Variants in RNF175 observed in about 807,000 individuals in gnomAD.
RNF175 encodes the protein ring finger protein 175.
In RNF175, 38 loss-of-function variants were observed where a neutral mutation model predicts 50.0. The observed-to-expected ratio is 0.76, with a 90% CI of 0.59 to 1.00. The LOEUF (loss-of-function observed/expected upper bound fraction) is 1.00, where lower values mean the gene tolerates loss of function less well. RNF175 is among the 50% of genes least tolerant of loss of function. RNF175 has a pLI of 0.00. For missense variants in RNF175, 388 were observed against 409.6 expected, an observed-to-expected ratio of 0.95 and a Z score of 0.46; for synonymous variants, 155 against 146.1, an observed-to-expected ratio of 1.06 and a Z score of -0.44.
In RNF175 at chr4:153,754,230, A is replaced by C. The variant is rs570093777; in HGVS notation, c.67-2755T>G. On this transcript the variant is annotated intron_variant, in intron 1 of 8. Transcript: ENST00000347063. ...GATTGAGTGAGTAGACCTTGATTGG[A>C]GAGAGATGATGTAGGGCTGACACCC... 2.5e-3 allele frequency among the ~76,000 whole-genome samples: 379 copies of C among 151,606 alleles called. 2 individuals are homozygous for C. Among genetic ancestry groups the C allele is most frequent in the Non-Finnish European group, 4.5e-3 (307 of 67,910 alleles).
chr4:153,735,151 A>G (rs1267444583), intron 3 of RNF175, among the ~76,000 whole-genome samples: 2 of 150,704 alleles, frequency 1.3e-5, no homozygotes, highest in South Asian at 2.1e-4. Flanking sequence ...ACAGTTTTGC[A>G]TTTTTCATTT....
chr4:153,715,566 G>C lies in RNF175; in HGVS notation c.727C>G (p.Leu243Val), dbSNP rs1380689502. 5.0e-6 allele frequency: 8 copies of C among 1,611,344 alleles called. No homozygotes were observed. Among genetic ancestry groups the C allele is most frequent in the Non-Finnish European group, 1.7e-6 (2 of 1,178,650 alleles). The part of the protein sequence containing the change: ...KIIVELDEEG[L>V]IENTYQLSCN... ...GAAAGCTGGTAGGTGTTTTCAATGA[G>C]CCCTTCTTCATCAAGCTCCACAATG... Residue 243 changes from leucine (L) to valine (V), a missense_variant, in exon 7 of 9, where the codon CTC becomes GTC. Coordinates refer to ENST00000347063, the MANE Select transcript of RNF175 (RefSeq NM_173662.4).
rs112377331 is a variant in RNF175 at position 153,738,548 on chromosome 4, A to G, written c.246+10097T>C. On this transcript the variant is annotated intron_variant, in intron 3 of 8. Coordinates refer to ENST00000347063, the MANE Select transcript of RNF175 (RefSeq NM_173662.4). ...GAAGTCCACTTTGTCTGAAATTAAT[A>G]TAGCTGGTCCAGCTTTCTTTTGATT... Among the ~76,000 whole-genome samples the G allele has an allele frequency of 6.8e-4, 103 of 152,298 alleles. 1 individual carries two copies. Among genetic ancestry groups the G allele is most frequent in the African/African-American group, 2.3e-3 (97 of 41,560 alleles).
chr4:153,740,321 TA>T (rs1480625292), intron 3 of RNF175, among the ~76,000 whole-genome samples: 2 of 152,188 alleles, frequency 1.3e-5, no homozygotes, highest in African/African-American at 4.8e-5. Flanking sequence ...ATTTTATTTT[TA>T]ATTGAAAAAT....
chr4:153,710,265 G>C lies in RNF175; in HGVS notation c.*104C>G, dbSNP rs901628676. Reference sequence around the variant, plus strand: ...ATTGCTTGACAACAAAGTTTACTTAGTTTTCTAAACACTTGGGATCATCTC... The same window carrying C: ...ATTGCTTGACAACAAAGTTTACTTACTTTTCTAAACACTTGGGATCATCTC... On this transcript the variant is annotated 3_prime_UTR_variant, in exon 9 of 9. Coordinates refer to ENST00000347063, the MANE Select transcript of RNF175 (RefSeq NM_173662.4). 4 of 896,212 alleles carry C rather than the reference G, an allele frequency of 4.5e-6. No individual in the cohort carries two copies. The Admixed American group carries it at 1.0e-4, about 23-fold the overall frequency. The allele number at this position is 896,212 out of a possible 1,614,324, so 55.5% of individuals were successfully genotyped here.
At chr4:153,758,914 T>TA (rs1264251609) in intron 1 of RNF175, among the ~76,000 whole-genome samples, 1 of 152,220 alleles carries the variant, frequency 6.6e-6, no homozygotes, top group Non-Finnish European at 1.5e-5. Context: ...AGAAGGGGGT[T>TA]AGTCAGGAGC....
intron 1 of RNF175, 77 bp downstream of exon 1, chr4:153,759,720 T>C (rs1740733487): frequency 2.0e-6 from 2 of 1,001,420 alleles, no homozygotes; most frequent in South Asian, 1.7e-5. Context: ...GACCAGTCTG[T>C]GCAGCCTGCC....
At chr4:153,748,208 A>G (rs927690012) in intron 3 of RNF175, among the ~76,000 whole-genome samples, 1 of 152,186 alleles carries the variant, frequency 6.6e-6, no homozygotes, top group African/African-American at 2.4e-5. Context: ...AGACACCCTA[A>G]ACCATTTCTT....
In RNF175 at chr4:153,720,576, G is replaced by A. The variant is rs190684826; in HGVS notation, c.510-272C>T. On this transcript the variant is annotated intron_variant, in intron 5 of 8. Transcript: ENST00000347063. ...TGCAGTGCCTAGACAAGCTGACTCT[G>A]ACCAGTGGTTTCAGGCTCAGCTATA... 193 of 341,382 alleles carry A rather than the reference G, an allele frequency of 5.7e-4. No individual in the cohort carries two copies. The Admixed American group carries it at 7.2e-3, about 13-fold the overall frequency. The allele number at this position is 341,382 out of a possible 1,614,324, so 21.1% of individuals were successfully genotyped here.
intron 3 of RNF175, among the ~76,000 whole-genome samples, chr4:153,735,982 C>T (rs1009989566): frequency 1.3e-5 from 2 of 152,186 alleles, no homozygotes; most frequent in Non-Finnish European, 2.9e-5. Context: ...TCTTGCTGCA[C>T]TAGCAAGGAC....
chr4:153,749,659 C>T (rs1436525066), intron 2 of RNF175, among the ~76,000 whole-genome samples: 2 of 152,080 alleles, frequency 1.3e-5, no homozygotes, highest in East Asian at 1.9e-4. Flanking sequence ...GGGGTAGCCT[C>T]GATGAAAACC....
chr4:153,755,626 T>G (rs1193295629), intron 1 of RNF175, among the ~76,000 whole-genome samples: 1 of 150,512 alleles, frequency 6.6e-6, no homozygotes, highest in East Asian at 1.9e-4. Context: ...ATAAGAATAT[T>G]AGTGAATTGG....
chr4:153,729,602 T>C (rs1272082659), intron 3 of RNF175: 4 of 912,356 alleles, frequency 4.4e-6, no homozygotes, highest in Admixed American at 6.2e-5. Context: ...GACTTCAAGA[T>C]AGAAATGAGA....
At chr4:153,744,758 G>A (rs896844426) in intron 3 of RNF175, among the ~76,000 whole-genome samples, 7 of 152,150 alleles carry the variant, frequency 4.6e-5, no homozygotes, top group African/African-American at 1.7e-4. Context: ...TTTGATATGA[G>A]TGAAGAACTA....
At chr4:153,712,839 A>G (rs928452203) in intron 7 of RNF175, among the ~76,000 whole-genome samples, 2 of 151,412 alleles carry the variant, frequency 1.3e-5, no homozygotes, top group Non-Finnish European at 2.9e-5. Context: ...TAGATTAGAT[A>G]AAGAATATGA....
Position 153,759,777 on chromosome 4 carries a change from C to G in RNF175, c.66+20G>C. On this transcript the variant is annotated intron_variant, in intron 1 of 8. Coordinates refer to ENST00000347063, the MANE Select transcript of RNF175 (RefSeq NM_173662.4). The stretch of plus-strand genomic sequence containing the variant: ...GACCCCGGCCTGGCGTCCCCCACGC[C>G]CGCGCCCCCGCGCCAGTACCTGCTC... 6.8e-7 allele frequency: 1 copy of G among 1,463,828 alleles called. No homozygotes were observed. The highest frequency in any genetic ancestry group is 9.0e-7 in the Non-Finnish European group (1 of 1,110,410). The allele number at this position is 1,463,828 out of a possible 1,614,324, so 90.7% of individuals were successfully genotyped here.
intron 5 of RNF175, among the ~76,000 whole-genome samples, chr4:153,720,932 A>C (rs1738299076): frequency 6.6e-6 from 1 of 152,216 alleles, no homozygotes; most frequent in Non-Finnish European, 1.5e-5. Flanking sequence ...CAAGTGCTTG[A>C]GATAGATATT....
At chr4:153,737,757 A>G (rs1433655806) in intron 3 of RNF175, among the ~76,000 whole-genome samples, 2 of 149,566 alleles carry the variant, frequency 1.3e-5, no homozygotes, top group Admixed American at 6.6e-5. Flanking sequence ...TGTGATGTCA[A>G]GAAGAATATA....
intron 3 of RNF175, among the ~76,000 whole-genome samples, chr4:153,736,760 AT>A (rs1739372615): frequency 6.6e-6 from 1 of 152,200 alleles, no homozygotes. Context: ...CTTTCAAAGA[AT>A]TAGCCCACCT....
Sources: allele counts gnomAD v4.1 joint callset (sites outside exome capture counted in the v4.1 genomes callset), GRCh38; gene constraint gnomAD v4.1.1; transcripts MANE v1.5; gene names NCBI Gene and HGNC (gene_info 2026-07-23, HGNC 2026-07-21).